Variants in SNAP91 observed in about 807,000 individuals in gnomAD.
SNAP91 encodes clathrin coat assembly protein AP180.
Under a neutral mutation model 100.3 loss-of-function variants are expected in SNAP91, and 27 were observed. The ratio of observed to expected loss-of-function variants is 0.27; its 90% confidence interval spans 0.20 to 0.37. The LOEUF is 0.37. Among genes scored for constraint, SNAP91 ranks in the 10% least tolerant of loss-of-function variants. The pLI is 1.00. For synonymous variants in SNAP91, 404 were observed against 398.6 expected (o/e 1.01, Z -0.16); for missense variants, 986 against 1,123.7 (o/e 0.88, Z 1.75).
intron 2 of SNAP91, among the ~76,000 whole-genome samples, chr6:83,700,242 T>C (rs2099274220): frequency 6.6e-6 from 1 of 151,928 alleles, no homozygotes; most frequent in Admixed American, 6.6e-5. Flanking sequence ...AGAACAGAAA[T>C]AGTATATATG....
intron 3 of SNAP91, among the ~76,000 whole-genome samples, chr6:83,664,017 C>A (rs183747935): frequency 2.0e-5 from 3 of 152,216 alleles, no homozygotes; most frequent in Admixed American, 6.5e-5. Context: ...ATAAATGGAA[C>A]AACAAAGCCC....
In SNAP91 at chr6:83,629,916, C is replaced by T. The variant is rs141696260; in HGVS notation, c.766-6574G>A. Among the ~76,000 whole-genome samples the T allele has an allele frequency of 8.1e-3, 1,235 of 152,164 alleles. 13 individuals carry two copies. Among genetic ancestry groups the T allele is most frequent in the African/African-American group, 0.028 (1,151 of 41,538 alleles). On this transcript the variant is annotated intron_variant, in intron 8 of 29. Transcript: ENST00000369694. ...AAGAGGAGTGGTGAGAGTAGGCATT[C>T]TTGTCTTGTTCCAGTTCTCAGAGGA...
chr6:83,573,748 T>C (rs1812914952), intron 26 of SNAP91, among the ~76,000 whole-genome samples: 1 of 152,216 alleles, frequency 6.6e-6, no homozygotes, highest in Non-Finnish European at 1.5e-5. Context: ...TGGCTAGCCA[T>C]ATGCAGAAAG....
intron 22 of SNAP91, among the ~76,000 whole-genome samples, chr6:83,585,680 CT>C (rs1243818694): frequency 6.6e-6 from 1 of 151,996 alleles, no homozygotes; most frequent in Non-Finnish European, 1.5e-5. Flanking sequence ...TGATACACTG[CT>C]TTTTAATCAC....
chr6:83,701,446 T>A (rs2099307780), intron 2 of SNAP91, among the ~76,000 whole-genome samples: 1 of 150,162 alleles, frequency 6.7e-6, no homozygotes, highest in Admixed American at 6.6e-5. Flanking sequence ...CATCAAAAAT[T>A]CTTTTTTTTT....
chr6:83,643,617 G>A (rs2097795848), intron 7 of SNAP91, among the ~76,000 whole-genome samples: 1 of 152,098 alleles, frequency 6.6e-6, no homozygotes, highest in Non-Finnish European at 1.5e-5. Context: ...TCTCATACTT[G>A]AGAGTTATTT....
chr6:83,654,816 T>A (rs2098346339), intron 7 of SNAP91, among the ~76,000 whole-genome samples: 1 of 152,196 alleles, frequency 6.6e-6, no homozygotes, highest in African/African-American at 2.4e-5. Context: ...ATGTGCAGGT[T>A]TCCAGATATA....
At chr6:83,708,206 T>G in intron 1 of SNAP91, 2 of 404,278 alleles carry the variant, frequency 4.9e-6, no homozygotes, top group Middle Eastern at 6.5e-4. Flanking sequence ...ACCGTCCCCA[T>G]TCTCCCCCGG....
intron 8 of SNAP91, among the ~76,000 whole-genome samples, chr6:83,638,959 G>A (rs1364054403): frequency 6.6e-6 from 1 of 152,114 alleles, no homozygotes; most frequent in Non-Finnish European, 1.5e-5. Context: ...ATTTTACCAA[G>A]TTTTACTTGT....
chr6:83,562,744 A>G (rs1031897579), intron 26 of SNAP91, among the ~76,000 whole-genome samples: 4 of 152,168 alleles, frequency 2.6e-5, no homozygotes, highest in African/African-American at 9.7e-5. Context: ...TGCTTGCTGT[A>G]AACCTACCAA....
At chr6:83,637,507 G>A (rs1021823459) in intron 8 of SNAP91, among the ~76,000 whole-genome samples, 1 of 152,176 alleles carries the variant, frequency 6.6e-6, no homozygotes, top group African/African-American at 2.4e-5. Flanking sequence ...ACAGCTGTGG[G>A]GCCCACTCAG....
At chr6:83,591,876 A>T (rs2093802152) in intron 21 of SNAP91, among the ~76,000 whole-genome samples, 1 of 152,210 alleles carries the variant, frequency 6.6e-6, no homozygotes, top group African/African-American at 2.4e-5. Flanking sequence ...TAAGCTCAAG[A>T]GCTAATTCAG....
chr6:83,659,030 T>C lies in SNAP91; in HGVS notation c.515A>G (p.Gln172Arg), dbSNP rs1476841947. 2 of 1,609,030 alleles carry C rather than the reference T, an allele frequency of 1.2e-6. No homozygotes were observed. Among genetic ancestry groups the C allele is most frequent in the South Asian group, 2.2e-5 (2 of 89,856 alleles). ...EKLLKSMPIL[Q>R]GQIDALLEFD... ...TTCAAGCAGTGCATCAATTTGTCCC[T>C]GTAGTATTGGCATACTCTTTAGCAG... Residue 172 changes from glutamine to arginine, a missense_variant, in exon 6 of 30, where the codon CAG (glutamine) becomes CGG (arginine). Physicochemically the swap from Gln to Arg is conservative, Grantham distance 43 (BLOSUM62 1). Coordinates refer to ENST00000369694, the MANE Select transcript of SNAP91 (RefSeq NM_001242792.2).
At chr6:83,690,799 T>C (rs2099121179) in intron 2 of SNAP91, among the ~76,000 whole-genome samples, 1 of 152,058 alleles carries the variant, frequency 6.6e-6, no homozygotes, top group African/African-American at 2.4e-5. Context: ...ATTACTTAAT[T>C]AGTGTAAGAA....
intron 9 of SNAP91, among the ~76,000 whole-genome samples, chr6:83,622,460 A>G (rs1306182704): frequency 1.3e-5 from 2 of 150,400 alleles, no homozygotes; most frequent in Non-Finnish European, 3.0e-5. Context: ...AATTTTTTCT[A>G]TTATAATGAC....
At position 83,605,809 on chromosome 6, in the gene SNAP91, AG is replaced by A; in HGVS notation, c.1023-7del. On this transcript the variant is annotated splice_region_variant and splice_polypyrimidine_tract_variant and intron_variant, in intron 13 of 29. Coordinates refer to ENST00000369694, the MANE Select transcript of SNAP91 (RefSeq NM_001242792.2). ...CACTAGATGGTTTAGAAGTGCTGAA[AG>A]GAAAATAAAACATTAAAATCAGATT... is the stretch of plus-strand genomic sequence containing the variant. The A allele has an allele frequency of 6.6e-7, 1 of 1,523,468 alleles. No individual in the cohort carries two copies. The highest frequency in any genetic ancestry group is 2.5e-5 in the East Asian group (1 of 40,496). 94.4% of individuals were successfully genotyped at this position (1,523,468 alleles called of 1,614,324 possible).
At chr6:83,623,387 A>G (rs148344322) in intron 8 of SNAP91, 45 bp from the exon 9 acceptor site, 4 of 1,396,968 alleles carry the variant, frequency 2.9e-6, no homozygotes, top group Non-Finnish European at 4.0e-6. Flanking sequence ...TTTAAAATTA[A>G]TTTTTTTCAT....
Position 83,553,255 on chromosome 6 carries a change from T to A in SNAP91, c.*1041A>T, listed in dbSNP as rs918201068. The A allele has an allele frequency of 3.9e-5, 6 of 152,574 alleles. No individual in the cohort carries two copies. The highest frequency in any genetic ancestry group is 1.4e-4 in the African/African-American group (6 of 41,434). 9.5% of individuals were successfully genotyped at this position (152,574 alleles called of 1,614,324 possible). ...AGAATACAGTATGTACAGTAAAAGATACAATTCTCTGAATTAGTTTAAATC... is the reference window on the plus strand; with the variant it reads ...AGAATACAGTATGTACAGTAAAAGAAACAATTCTCTGAATTAGTTTAAATC... On this transcript the variant is annotated 3_prime_UTR_variant, in exon 30 of 30. Coordinates refer to ENST00000369694, the MANE Select transcript of SNAP91 (RefSeq NM_001242792.2).
chr6:83,682,900 T>C (rs865976661), intron 2 of SNAP91, among the ~76,000 whole-genome samples: 1 of 151,878 alleles, frequency 6.6e-6, no homozygotes, highest in Non-Finnish European at 1.5e-5. Context: ...TCTCACACCT[T>C]CTCTTTGTCT....
Sources: gnomAD v4.1 joint callset for allele counts (sites outside exome capture counted in the v4.1 genomes callset) on GRCh38, gnomAD v4.1.1 for gene constraint, MANE v1.5 for transcripts, NCBI Gene and HGNC (gene_info 2026-07-23, HGNC 2026-07-21) for gene names.